The following C1QTNF3 variants were observed in gnomAD, a reference collection of about 807,000 sequenced individuals.
The protein encoded by C1QTNF3 is complement C1q tumor necrosis factor-related protein 3.
In C1QTNF3, 26 loss-of-function variants were observed where a neutral mutation model predicts 32.6. That is an observed-to-expected ratio of 0.80 (90% CI 0.58 to 1.11). The LOEUF (loss-of-function observed/expected upper bound fraction) is 1.11. C1QTNF3 is among the 50% of genes least tolerant of loss of function. The pLI, the probability that C1QTNF3 is intolerant of heterozygous loss-of-function variation, is 0.00. For synonymous variants in C1QTNF3, 155 were observed against 146.0 expected (o/e 1.06, Z -0.44); for missense variants, 362 against 398.2 (o/e 0.91, Z 0.77).
At chr5:34,178,080 A>C in the C1QTNF3 span, among the ~76,000 whole-genome samples, 1 of 144,872 alleles carries the variant, frequency 6.9e-6, no homozygotes, top group Admixed American at 7.1e-5. Flanking sequence ...CAGCCTGACC[A>C]ACATGGTGAA....
At chr5:34,033,215 T>C (rs1051815719) in intron 3 of C1QTNF3, 89 bp downstream of exon 3, 58 of 1,427,754 alleles carry the variant, frequency 4.1e-5, no homozygotes, top group Non-Finnish European at 5.2e-5. Flanking sequence ...TGGGGAAGAC[T>C]TGAGGAAGCG....
At chr5:34,144,797 C>A in the C1QTNF3 span, among the ~76,000 whole-genome samples, 1 of 152,122 alleles carries the variant, frequency 6.6e-6, no homozygotes, top group Non-Finnish European at 1.5e-5. Flanking sequence ...AAGAGAAAAG[C>A]TTATAGGCCT....
rs34392743 is a variant in C1QTNF3, at chr5:34,017,884, T to TA, written c.*2698dup. On this transcript the variant is annotated 3_prime_UTR_variant, in exon 6 of 6. Coordinates refer to ENST00000382065, the MANE Select transcript of C1QTNF3 (RefSeq NM_181435.6). ...TATATGCACACATAGTTTATTTTTT[T>TA]AAAAAGAGAATGCTCATGACATATT... Among the ~76,000 whole-genome samples the TA allele has an allele frequency of 6.6e-6, 1 of 151,618 alleles. No homozygotes were observed. The highest frequency in any genetic ancestry group is 2.4e-5 in the African/African-American group (1 of 41,238).
the C1QTNF3 span, among the ~76,000 whole-genome samples, chr5:34,146,980 G>C: frequency 6.6e-6 from 1 of 152,054 alleles, no homozygotes; most frequent in Non-Finnish European, 1.5e-5. Flanking sequence ...AAACAAAAAA[G>C]AATCTCAATA....
chr5:34,057,726 G>A, the C1QTNF3 span, among the ~76,000 whole-genome samples: 6 of 152,248 alleles, frequency 3.9e-5, no homozygotes, highest in South Asian at 6.2e-4. Flanking sequence ...CTGGTTTTAC[G>A]GCATTGAGGA....
At chr5:34,113,510 T>C in the C1QTNF3 span, among the ~76,000 whole-genome samples, 619 of 152,204 alleles carry the variant, frequency 4.1e-3, 3 homozygotes, top group African/African-American at 0.014. Flanking sequence ...AGCAACAATA[T>C]ATATATCAGA....
the C1QTNF3 span, among the ~76,000 whole-genome samples, chr5:34,144,296 C>CTT: frequency 6.6e-6 from 1 of 152,210 alleles, no homozygotes; most frequent in Non-Finnish European, 1.5e-5. Flanking sequence ...TACCAAAAGA[C>CTT]TTATTTAGCC....
the C1QTNF3 span, among the ~76,000 whole-genome samples, chr5:34,148,007 C>A: frequency 6.6e-6 from 1 of 152,062 alleles, no homozygotes; most frequent in Non-Finnish European, 1.5e-5. Flanking sequence ...GCGCACCATG[C>A]GCGAGCCGAA....
chr5:34,066,052 T>G, the C1QTNF3 span, among the ~76,000 whole-genome samples: 1 of 152,214 alleles, frequency 6.6e-6, no homozygotes, highest in Non-Finnish European at 1.5e-5. Context: ...TTTGAGGTGT[T>G]ATTCCCTTAC....
chr5:34,083,283 CTTAA>C, the C1QTNF3 span, among the ~76,000 whole-genome samples: 1 of 151,430 alleles, frequency 6.6e-6, no homozygotes, highest in Non-Finnish European at 1.5e-5. Context: ...TGCCTTGACA[CTTAA>C]TTAGTAAAGG....
chr5:34,208,949 A>G, the C1QTNF3 span, among the ~76,000 whole-genome samples: 1 of 152,288 alleles, frequency 6.6e-6, no homozygotes, highest in East Asian at 1.9e-4. Flanking sequence ...ACCAGGGACC[A>G]TTTGTCAATG....
chr5:34,203,113 TTCA>T, the C1QTNF3 span, among the ~76,000 whole-genome samples: 1 of 152,102 alleles, frequency 6.6e-6, no homozygotes, highest in African/African-American at 2.4e-5. Flanking sequence ...AAGGTCAACA[TTCA>T]TCATCATCAA....
chr5:34,237,903 A>G, the C1QTNF3 span, among the ~76,000 whole-genome samples: 1 of 152,156 alleles, frequency 6.6e-6, no homozygotes, highest in Non-Finnish European at 1.5e-5. Context: ...CCCCCACTAT[A>G]GAGCACACCT....
the C1QTNF3 span, among the ~76,000 whole-genome samples, chr5:34,053,023 G>A: frequency 6.6e-6 from 1 of 152,076 alleles, no homozygotes; most frequent in Non-Finnish European, 1.5e-5. Flanking sequence ...TAGCTTCTTC[G>A]ATTTTTCCAA....
chr5:34,052,366 C>G, the C1QTNF3 span, among the ~76,000 whole-genome samples: 10 of 152,186 alleles, frequency 6.6e-5, no homozygotes, highest in Admixed American at 6.5e-5. Flanking sequence ...CTGTTCTCTT[C>G]TCACTAGATC....
chr5:34,195,287 C>T, the C1QTNF3 span, among the ~76,000 whole-genome samples: 1 of 149,400 alleles, frequency 6.7e-6, no homozygotes, highest in Non-Finnish European at 1.5e-5. Context: ...ATTTTTAAAG[C>T]TGTAATCATC....
At chr5:34,175,447 T>A in the C1QTNF3 span, 1 of 199,506 alleles carries the variant, frequency 5.0e-6, no homozygotes, top group Non-Finnish European at 1.0e-5. Context: ...TGAAATACCT[T>A]AAGCTTCTCA....
chr5:34,217,381 A>T, the C1QTNF3 span, among the ~76,000 whole-genome samples: 3 of 152,124 alleles, frequency 2.0e-5, no homozygotes, highest in Non-Finnish European at 4.4e-5. Context: ...CCTGCATAAT[A>T]AGCATTCTGT....
chr5:34,235,866 A>T, the C1QTNF3 span, among the ~76,000 whole-genome samples: 2 of 152,264 alleles, frequency 1.3e-5, no homozygotes, highest in African/African-American at 4.8e-5. Flanking sequence ...TTGCTTTGAC[A>T]ACTACACTCA....
Sources: allele counts gnomAD v4.1 joint callset (sites outside exome capture counted in the v4.1 genomes callset), GRCh38; gene constraint gnomAD v4.1.1; transcripts MANE v1.5; gene names NCBI Gene and HGNC (gene_info 2026-07-23, HGNC 2026-07-21).